Variants in KDM4C observed in about 807,000 individuals in gnomAD.
KDM4C encodes lysine demethylase 4C.
KDM4C carries 81 observed loss-of-function variants against 129.3 expected under a neutral mutation model. That is an observed-to-expected ratio of 0.63 (90% confidence interval 0.52 to 0.75). The LOEUF is 0.75. Ranked by LOEUF, KDM4C falls within the 30% of genes least tolerant of loss-of-function variation. KDM4C has a pLI of 0.00. For synonymous variants in KDM4C, 573 were observed against 456.1 expected (o/e 1.26, Z -3.26); for missense variants, 1,457 against 1,304.0 (o/e 1.12, Z -1.81).
chr9:7,031,676 ATGTGTG>A (rs1277414759), intron 15 of KDM4C, among the ~76,000 whole-genome samples: 1 of 151,826 alleles, frequency 6.6e-6, no homozygotes, highest in East Asian at 1.9e-4. Context: ...TTATATATAT[ATGTGTG>A]TGTGTATGTG....
At chr9:6,834,557 G>T (rs549877317) in intron 4 of KDM4C, 22 of 701,746 alleles carry the variant, frequency 3.1e-5, no homozygotes, top group Non-Finnish European at 5.1e-5. Flanking sequence ...CCCCTTCATC[G>T]TGTGGCACCC....
chr9:6,817,484 T>C (rs1291231716), intron 4 of KDM4C, among the ~76,000 whole-genome samples: 1 of 152,032 alleles, frequency 6.6e-6, no homozygotes, highest in Non-Finnish European at 1.5e-5. Context: ...GGATTACAGG[T>C]GTGAGCCACT....
chr9:6,795,499 T>G (rs1404341328), intron 2 of KDM4C, among the ~76,000 whole-genome samples: 2 of 151,504 alleles, frequency 1.3e-5, no homozygotes, highest in Admixed American at 6.6e-5. Context: ...GCCTGGATAA[T>G]TTTTGTGTTT....
Position 7,024,884 on chromosome 9 carries a change from T to C in KDM4C, c.2259+8955T>C, listed in dbSNP as rs1308262415. Among the ~76,000 whole-genome samples the C allele has an allele frequency of 3.9e-5, 6 of 152,194 alleles. No homozygotes were observed. The East Asian group carries it at 1.2e-3, about 29-fold the overall frequency. On this transcript the variant is annotated intron_variant, in intron 15 of 21. Coordinates refer to ENST00000381309, the MANE Select transcript of KDM4C (RefSeq NM_015061.6). The stretch of plus-strand genomic sequence containing the variant: ...TGGCTGGGTCAAATGGTATTTGTAG[T>C]TCTAGATCCCTGAGGAATCGCCACA...
intron 5 of KDM4C, among the ~76,000 whole-genome samples, chr9:6,879,296 ATTG>A (rs907658918): frequency 6.6e-6 from 1 of 152,168 alleles, no homozygotes; most frequent in African/African-American, 2.4e-5. Flanking sequence ...ATATTATGAG[ATTG>A]TTGTTTTAAA....
chr9:6,948,815 C>T (rs886446223), intron 8 of KDM4C, among the ~76,000 whole-genome samples: 14 of 152,138 alleles, frequency 9.2e-5, no homozygotes, highest in African/African-American at 3.4e-4. Context: ...GGTCATAGAT[C>T]AACAGGATCC....
At chr9:7,018,054 T>C (rs1823999737) in intron 15 of KDM4C, among the ~76,000 whole-genome samples, 1 of 152,226 alleles carries the variant, frequency 6.6e-6, no homozygotes, top group Non-Finnish European at 1.5e-5. Context: ...TTGGTACAGG[T>C]ATGCATTACT....
chr9:6,995,731 G>A (rs1819570738), intron 12 of KDM4C, among the ~76,000 whole-genome samples: 1 of 152,046 alleles, frequency 6.6e-6, no homozygotes. Flanking sequence ...GAGTGCAGTG[G>A]CGCAGTCTCA....
chr9:6,889,211 T>TGTGTG (rs1845737956), intron 7 of KDM4C, among the ~76,000 whole-genome samples: 4 of 61,616 alleles, frequency 6.5e-5, no homozygotes, highest in African/African-American at 2.7e-4. Flanking sequence ...GGCCTTCTTT[T>TGTGTG]TGTGTGTGTG....
Position 7,034,598 on chromosome 9 carries a change from A to C in KDM4C, c.2260-12264A>C, listed in dbSNP as rs7865564. On this transcript the variant is annotated intron_variant, in intron 15 of 21. Coordinates refer to ENST00000381309, the MANE Select transcript of KDM4C (RefSeq NM_015061.6). ...TTCATTGGATACCTAGGTTGATTCCATATCTTAGCTATTTTCAACAGTGCT... is the reference window on the plus strand; with the variant it reads ...TTCATTGGATACCTAGGTTGATTCCCTATCTTAGCTATTTTCAACAGTGCT... Among the ~76,000 whole-genome samples, 422 of 152,256 alleles carry C rather than the reference A, an allele frequency of 2.8e-3. 4 individuals carry two copies. The highest frequency in any genetic ancestry group is 9.5e-3 in the African/African-American group (395 of 41,520).
intron 18 of KDM4C, among the ~76,000 whole-genome samples, chr9:7,119,167 C>T (rs1290525719): frequency 6.6e-6 from 1 of 151,866 alleles, no homozygotes; most frequent in Non-Finnish European, 1.5e-5. Context: ...TATAAGGTGC[C>T]TTCATTGAGT....
chr9:6,954,250 C>G (rs1828681343), intron 8 of KDM4C, among the ~76,000 whole-genome samples: 1 of 152,142 alleles, frequency 6.6e-6, no homozygotes, highest in Non-Finnish European at 1.5e-5. Flanking sequence ...ACTTTCTCCT[C>G]TTTTCTCCTG....
At chr9:7,156,301 G>C (rs1843165114) in intron 19 of KDM4C, among the ~76,000 whole-genome samples, 1 of 152,160 alleles carries the variant, frequency 6.6e-6, no homozygotes, top group Non-Finnish European at 1.5e-5. Context: ...CATTCTGTAG[G>C]TTGCCTGTTC....
intron 17 of KDM4C, among the ~76,000 whole-genome samples, chr9:7,093,387 T>C (rs1564107849): frequency 6.6e-6 from 1 of 152,148 alleles, no homozygotes. Flanking sequence ...AATAATAAAA[T>C]AACAACACGA....
rs765932331 is a variant in KDM4C, at chr9:6,743,511, CT to C, written c.49+22528del. ...AGAATAACACAATATTTTCTGCTTC[CT>C]TTTTTTTTTTTTTGAGAGGGAGTCT... On this transcript the variant is annotated intron_variant, in intron 1 of 17. Transcript: ENST00000536108. 5.6e-3 allele frequency among the ~76,000 whole-genome samples: 795 copies of C among 142,304 alleles called. 3 individuals carry two copies. Among genetic ancestry groups the C allele is most frequent in the Middle Eastern group, 0.022 (6 of 272 alleles). The allele number at this position is 142,304 out of a possible 152,430, so 93.4% of individuals were successfully genotyped here. A position where few individuals can be genotyped will look rare whatever the true frequency, so the allele number is the denominator to read the frequency against.
chr9:7,054,055 T>C (rs773152265), intron 17 of KDM4C, among the ~76,000 whole-genome samples: 1 of 152,246 alleles, frequency 6.6e-6, no homozygotes, highest in Non-Finnish European at 1.5e-5. Context: ...CTTTACTGTA[T>C]GGGAAAAGTT....
At chr9:6,824,546 C>A (rs536356897) in intron 4 of KDM4C, among the ~76,000 whole-genome samples, 43 of 149,536 alleles carry the variant, frequency 2.9e-4, no homozygotes, top group African/African-American at 1.0e-3. Flanking sequence ...TTGTGAACCT[C>A]AAATAACTTT....
intron 20 of KDM4C, among the ~76,000 whole-genome samples, chr9:7,166,008 C>T (rs950142797): frequency 1.2e-4 from 19 of 152,242 alleles, no homozygotes; most frequent in Middle Eastern, 3.4e-3. Flanking sequence ...ATGAGTTAAG[C>T]TTTAATAAGG....
chr9:7,029,618 A>C (rs1826390218), intron 15 of KDM4C, among the ~76,000 whole-genome samples: 1 of 152,136 alleles, frequency 6.6e-6, no homozygotes, highest in South Asian at 2.1e-4. Flanking sequence ...ATAAACAAAA[A>C]GGAATGTGTG....
Sources: allele counts gnomAD v4.1 joint callset (sites outside exome capture counted in the v4.1 genomes callset), GRCh38; gene constraint gnomAD v4.1.1; transcripts MANE v1.5; gene names NCBI Gene and HGNC (gene_info 2026-07-23, HGNC 2026-07-21).